Variants in RXFP2 observed in about 807,000 individuals in gnomAD.
RXFP2 encodes relaxin family peptide receptor 2.
A neutral mutation model predicts 88.6 loss-of-function variants in RXFP2; 68 were observed. The ratio of observed to expected loss-of-function variants is 0.77; its 90% CI spans 0.63 to 0.94. RXFP2 has a LOEUF of 0.94. Ranked by LOEUF, RXFP2 falls within the 40% of genes least tolerant of loss-of-function variation. The pLI is 0.00. For missense variants in RXFP2, 791 were observed against 893.9 expected (o/e 0.88, Z 1.47); for synonymous variants, 329 against 306.8 (o/e 1.07, Z -0.76).
intron 1 of RXFP2, among the ~76,000 whole-genome samples, chr13:31,753,936 T>G (rs1871795834): frequency 6.6e-6 from 1 of 152,160 alleles, no homozygotes. Flanking sequence ...GGGAATACAT[T>G]GTATTCATTT....
chr13:31,786,195 A>G (rs1206743620), intron 11 of RXFP2, among the ~76,000 whole-genome samples, 188 bp from the exon 12 acceptor site: 1 of 152,330 alleles, frequency 6.6e-6, no homozygotes, highest in African/African-American at 2.4e-5. Context: ...AAAGTGTTAC[A>G]TGTAAGTGTT....
At chr13:31,786,350 G>A (rs1873537212) in intron 11 of RXFP2, 33 bp from the exon 12 acceptor site, 1 of 1,415,400 alleles carries the variant, frequency 7.1e-7, no homozygotes, top group East Asian at 2.3e-5. Flanking sequence ...TACTTCCAAA[G>A]TAATTGCTTT....
chr13:31,778,812 A>G (rs957680919), intron 9 of RXFP2, among the ~76,000 whole-genome samples: 1 of 152,028 alleles, frequency 6.6e-6, no homozygotes, highest in African/African-American at 2.4e-5. Flanking sequence ...TCCTTACCCC[A>G]TCTAGATGCT....
intron 17 of RXFP2, among the ~76,000 whole-genome samples, chr13:31,801,471 G>A (rs962937649): frequency 6.6e-6 from 1 of 152,066 alleles, no homozygotes; most frequent in African/African-American, 2.4e-5. Flanking sequence ...CAGGCCACGT[G>A]TAAAGGGAAA....
chr13:31,761,651 C>G, intron 2 of RXFP2, 73 bp from the exon 3 acceptor site: 1 of 982,862 alleles, frequency 1.0e-6, no homozygotes, highest in Non-Finnish European at 1.6e-6. Flanking sequence ...AAAATCATTA[C>G]CAAATTGTTA....
intron 11 of RXFP2, among the ~76,000 whole-genome samples, chr13:31,783,249 G>A (rs1873372175): frequency 6.6e-6 from 1 of 152,210 alleles, no homozygotes; most frequent in South Asian, 2.1e-4. Context: ...AAAATATTCA[G>A]AGAGCTCATG....
intron 13 of RXFP2, among the ~76,000 whole-genome samples, chr13:31,788,137 G>A (rs75000807): frequency 3.3e-4 from 46 of 138,276 alleles, no homozygotes; most frequent in South Asian, 4.7e-4. Context: ...GAGCCAGAGA[G>A]AAAAAAAAAA....
At chr13:31,763,904 A>G (rs1007141591) in intron 3 of RXFP2, among the ~76,000 whole-genome samples, 1 of 152,218 alleles carries the variant, frequency 6.6e-6, no homozygotes, top group South Asian at 2.1e-4. Flanking sequence ...ACATATATGT[A>G]TAGACAACAT....
chr13:31,798,128 T>C (rs1201066551), intron 17 of RXFP2, among the ~76,000 whole-genome samples: 1 of 152,156 alleles, frequency 6.6e-6, no homozygotes, highest in Non-Finnish European at 1.5e-5. Context: ...AAGACAGTAA[T>C]TGTGTCTTAT....
intron 10 of RXFP2, among the ~76,000 whole-genome samples, chr13:31,782,407 C>A (rs1456901381): frequency 6.6e-6 from 1 of 152,156 alleles, no homozygotes; most frequent in Non-Finnish European, 1.5e-5. Flanking sequence ...TTAAAAGAGA[C>A]ATTTTCTAAA....
At chr13:31,750,468 T>C (rs1871617600) in intron 1 of RXFP2, among the ~76,000 whole-genome samples, 1 of 152,180 alleles carries the variant, frequency 6.6e-6, no homozygotes, top group African/African-American at 2.4e-5. Context: ...AAAACATTAG[T>C]GACTTTTGAC....
intron 5 of RXFP2, among the ~76,000 whole-genome samples, chr13:31,774,141 CCTT>C (rs1332106831): frequency 2.0e-5 from 3 of 152,174 alleles, no homozygotes; most frequent in African/African-American, 7.2e-5. Flanking sequence ...CTTGCCTTGT[CCTT>C]CTCACTTTGC....
intron 7 of RXFP2, among the ~76,000 whole-genome samples, chr13:31,776,101 C>CTTTCTTTCTTTCTTTCT (rs1418426279): frequency 3.5e-5 from 2 of 57,398 alleles, no homozygotes; most frequent in Non-Finnish European, 6.9e-5. Context: ...TCTTTCTTTT[C>CTTTCTTTCTTTCTTTCT]TTTTCTTTCT....
chr13:31,761,188 A>C (rs1872284771), intron 2 of RXFP2, among the ~76,000 whole-genome samples: 1 of 152,108 alleles, frequency 6.6e-6, no homozygotes, highest in Non-Finnish European at 1.5e-5. Flanking sequence ...TCCTACATGC[A>C]AGTGATCCTC....
At chr13:31,791,018 A>C (rs1183587213) in intron 14 of RXFP2, among the ~76,000 whole-genome samples, 3 of 152,222 alleles carry the variant, frequency 2.0e-5, no homozygotes, top group African/African-American at 7.2e-5. Context: ...ATAACAAAAA[A>C]TGAATTAAAC....
At chr13:31,784,139 TTA>T (rs1873418696) in intron 11 of RXFP2, among the ~76,000 whole-genome samples, 1 of 151,914 alleles carries the variant, frequency 6.6e-6, no homozygotes, top group African/African-American at 2.4e-5. Context: ...GAGGGGTATT[TTA>T]TATATAAACT....
In RXFP2 at chr13:31,755,385, G is replaced by T. The variant is rs549549220; in HGVS notation, c.95-2873G>T. On this transcript the variant is annotated intron_variant, in intron 1 of 17. Transcript: ENST00000298386. ...TTTTGTTTTCATTATGTGGATGTGG[G>T]TGTGGGTGTGGGCATGAGTGTGCGT... 5.3e-5 allele frequency among the ~76,000 whole-genome samples: 8 copies of T among 152,144 alleles called. No individual in the cohort carries two copies. In the South Asian group the frequency reaches 1.0e-3, roughly 20 times the overall value.
At position 31,765,146 on chromosome 13, in the gene RXFP2, A is replaced by ATATCT. The variant is rs775318683; in HGVS notation, c.425+4_425+5insTATCT. 6.5e-7 allele frequency: 1 copy of ATATCT among 1,527,400 alleles called. No individual in the cohort carries two copies. The highest frequency in any genetic ancestry group is 1.1e-5 in the South Asian group (1 of 89,274). The allele number at this position is 1,527,400 out of a possible 1,614,324, so 94.6% of individuals were successfully genotyped here. A position where few individuals can be genotyped will look rare whatever the true frequency, so the allele number is the denominator to read the frequency against. Reference sequence around the variant, plus strand: ...TTTCTAACAATGTGACATTACTGTGAGTAAAACTTAATTATTGGTGATATC... The same window carrying ATATCT: ...TTTCTAACAATGTGACATTACTGTGATATCTGTAAAACTTAATTATTGGTGATATC... On this transcript the variant is annotated splice_donor_region_variant and intron_variant, in intron 4 of 17. Transcript: ENST00000298386.
At chr13:31,795,905 CAT>C (rs992137514) in intron 16 of RXFP2, among the ~76,000 whole-genome samples, 1 of 151,502 alleles carries the variant, frequency 6.6e-6, no homozygotes, top group Non-Finnish European at 1.5e-5. Flanking sequence ...GAATAATTCA[CAT>C]AGTTGAATTT....
Sources: allele counts gnomAD v4.1 joint callset (sites outside exome capture counted in the v4.1 genomes callset), GRCh38; gene constraint gnomAD v4.1.1; transcripts MANE v1.5; gene names NCBI Gene and HGNC (gene_info 2026-07-23, HGNC 2026-07-21).